The following FER variants were observed in gnomAD, a reference collection of about 807,000 sequenced individuals.
FER encodes FER tyrosine kinase.
In FER, 63 loss-of-function variants were observed where a neutral mutation model predicts 111.0. That is an observed-to-expected ratio of 0.57 (90% CI 0.46 to 0.70). The LOEUF is 0.70. Among genes scored for constraint, FER ranks in the 30% least tolerant of loss-of-function variants. The probability of loss-of-function intolerance (pLI) is 0.00; values close to 1 mark genes in which losing one functional copy is unlikely to be tolerated. For synonymous variants in FER, 327 were observed against 313.9 expected, an observed-to-expected ratio of 1.04 and a Z score of -0.44; for missense variants, 914 against 954.0, an observed-to-expected ratio of 0.96 and a Z score of 0.55.
chr5:109,026,014 A>G (rs936925296), intron 13 of FER, among the ~76,000 whole-genome samples: 50 of 152,182 alleles, frequency 3.3e-4, no homozygotes, highest in African/African-American at 1.2e-3. Flanking sequence ...GTCAAGAAAA[A>G]TGAGACATTC....
In FER at chr5:109,188,549, T is replaced by TAAAG. The variant is rs1183948212; in HGVS notation, c.*977_*980dup. The TAAAG allele has an allele frequency of 6.6e-6, 1 of 151,466 alleles. No individual in the cohort carries two copies. The highest frequency in any genetic ancestry group is 6.6e-5 in the Admixed American group (1 of 15,216). 9.4% of individuals were successfully genotyped at this position (151,466 alleles called of 1,614,324 possible). A position where few individuals can be genotyped will look rare whatever the true frequency, so the allele number is the denominator to read the frequency against. ...AGCAGCTAAAGAATGATTAACAGAG[T>TAAAG]AAAGAAGAAAGTGAAAATATAAAAC... is the stretch of plus-strand genomic sequence containing the variant. On this transcript the variant is annotated 3_prime_UTR_variant, in exon 20 of 20. Coordinates refer to ENST00000281092, the MANE Select transcript of FER (RefSeq NM_005246.4).
At chr5:109,175,737 C>G (rs1757607334) in intron 17 of FER, among the ~76,000 whole-genome samples, 1 of 152,174 alleles carries the variant, frequency 6.6e-6, no homozygotes, top group Admixed American at 6.5e-5. Context: ...CCAAGAAACT[C>G]AAACAGCTCA....
At chr5:109,046,948 T>C (rs1043411593) in intron 15 of FER, among the ~76,000 whole-genome samples, 156 bp from the exon 16 acceptor site, 2 of 152,188 alleles carry the variant, frequency 1.3e-5, no homozygotes, top group Non-Finnish European at 2.9e-5. Flanking sequence ...TTTACTCGTT[T>C]GTATACATCC....
chr5:109,139,350 CTTTT>C (rs59092426), intron 17 of FER, among the ~76,000 whole-genome samples: 5 of 91,112 alleles, frequency 5.5e-5, no homozygotes, highest in East Asian at 3.5e-4. Flanking sequence ...TTCTTTCTTT[CTTTT>C]TTTTTTTTTT....
At chr5:108,923,625 C>A (rs1171181401) in intron 10 of FER, among the ~76,000 whole-genome samples, 1 of 152,102 alleles carries the variant, frequency 6.6e-6, no homozygotes, top group South Asian at 2.1e-4. Flanking sequence ...AAGCAATTAA[C>A]AAATCATTAT....
At chr5:108,919,905 G>C (rs1484022149) in intron 10 of FER, among the ~76,000 whole-genome samples, 1 of 152,108 alleles carries the variant, frequency 6.6e-6, no homozygotes, top group Non-Finnish European at 1.5e-5. Context: ...CTGGTTAAAA[G>C]TGGCAAGTCA....
At chr5:108,843,992 CTCTT>C (rs1461015110) in intron 5 of FER, among the ~76,000 whole-genome samples, 7 of 129,234 alleles carry the variant, frequency 5.4e-5, no homozygotes, top group Non-Finnish European at 1.0e-4. Flanking sequence ...TCTGTTTCGC[CTCTT>C]TCTATGTATA....
chr5:109,151,251 T>G (rs759835875), intron 17 of FER, among the ~76,000 whole-genome samples: 18 of 152,110 alleles, frequency 1.2e-4, no homozygotes, highest in Non-Finnish European at 1.9e-4. Context: ...ACACAAGAAC[T>G]GGAATCATAA....
chr5:109,018,718 G>A (rs1252070448), intron 13 of FER, among the ~76,000 whole-genome samples: 1 of 151,750 alleles, frequency 6.6e-6, no homozygotes, highest in African/African-American at 2.4e-5. Context: ...AAATGGCATA[G>A]ATATAATAAT....
intron 10 of FER, among the ~76,000 whole-genome samples, chr5:108,903,090 A>G (rs1300269920): frequency 6.6e-6 from 1 of 152,182 alleles, no homozygotes; most frequent in East Asian, 1.9e-4. Flanking sequence ...CAAACATATA[A>G]TAATTTTTGT....
intron 3 of FER, among the ~76,000 whole-genome samples, chr5:108,823,673 A>T (rs1250733799): frequency 6.6e-6 from 1 of 152,100 alleles, no homozygotes; most frequent in African/African-American, 2.4e-5. Context: ...TTACATATTT[A>T]TATCAGTTCC....
chr5:109,034,426 G>T (rs193248798), intron 13 of FER, among the ~76,000 whole-genome samples: 59 of 151,986 alleles, frequency 3.9e-4, no homozygotes, highest in African/African-American at 1.3e-3. Flanking sequence ...GGTATGTTTG[G>T]GGTTTATTAA....
intron 13 of FER, among the ~76,000 whole-genome samples, chr5:108,979,310 G>C (rs926448425): frequency 6.6e-6 from 1 of 152,076 alleles, no homozygotes; most frequent in Non-Finnish European, 1.5e-5. Flanking sequence ...TGTTTTTCCT[G>C]TGAGACATTG....
intron 17 of FER, among the ~76,000 whole-genome samples, chr5:109,153,570 A>C (rs79917740): frequency 0.01 from 1,583 of 152,002 alleles, 23 homozygotes; most frequent in African/African-American, 0.036. Context: ...TGAGCACCAG[A>C]ATCACTTCTT....
intron 17 of FER, among the ~76,000 whole-genome samples, chr5:109,146,288 A>ATATATATATATCTATC (rs1554148405): frequency 8.7e-6 from 1 of 115,436 alleles, no homozygotes; most frequent in African/African-American, 3.6e-5. Context: ...ATATATATAT[A>ATATATATATATCTATC]TATCTTGGGT....
intron 9 of FER, among the ~76,000 whole-genome samples, chr5:108,896,839 T>C (rs570849985): frequency 1.3e-5 from 2 of 152,250 alleles, no homozygotes; most frequent in Admixed American, 6.5e-5. Context: ...TATAATCTAT[T>C]GTCTCTTACA....
At chr5:109,156,240 A>G (rs1226279935) in intron 17 of FER, among the ~76,000 whole-genome samples, 1 of 152,018 alleles carries the variant, frequency 6.6e-6, no homozygotes, top group East Asian at 1.9e-4. Flanking sequence ...GTTGCAGTAT[A>G]ATTAGACAGT....
Position 108,793,861 on chromosome 5 carries a change from A to G in FER, c.-59-4263A>G, listed in dbSNP as rs528938532. On this transcript the variant is annotated intron_variant, in intron 2 of 19. Transcript: ENST00000281092. ...TTTTATAACCCAGTATTTTAAACTA[A>G]TGACAAGTTAACATGATTGTATAAA... Among the ~76,000 whole-genome samples the G allele has an allele frequency of 1.1e-4, 16 of 152,328 alleles. No homozygotes were observed. The East Asian group carries it at 2.1e-3, about 20-fold the overall frequency.
At chr5:108,965,122 A>T (rs1279309337) in intron 13 of FER, among the ~76,000 whole-genome samples, 1 of 152,170 alleles carries the variant, frequency 6.6e-6, no homozygotes, top group Non-Finnish European at 1.5e-5. Flanking sequence ...TAAATCAATT[A>T]ATTAGGTCTA....
Sources: gnomAD v4.1 joint callset for allele counts (sites outside exome capture counted in the v4.1 genomes callset) on GRCh38, gnomAD v4.1.1 for gene constraint, MANE v1.5 for transcripts, NCBI Gene and HGNC (gene_info 2026-07-23, HGNC 2026-07-21) for gene names.